Variants in DCUN1D1 observed in about 807,000 individuals in gnomAD.
DCUN1D1 encodes the protein DCN1-like protein 1.
DCUN1D1 carries 3 observed loss-of-function variants against 39.0 expected under a neutral mutation model. The observed-to-expected ratio is 0.08, with a 90% CI of 0.04 to 0.20. The LOEUF is 0.20. Ranked by LOEUF, DCUN1D1 falls within the 10% of genes least tolerant of loss-of-function variation. The pLI is 1.00. For synonymous variants in DCUN1D1, 82 were observed against 96.3 expected (o/e 0.85, Z 0.87); for missense variants, 158 against 302.4 (o/e 0.52, Z 3.54).
upstream of DCUN1D1, among the ~76,000 whole-genome samples, chr3:182,985,236 A>G (rs553819265): frequency 6.6e-6 from 1 of 152,208 alleles, no homozygotes; most frequent in Non-Finnish European, 1.5e-5. Context: ...CAAACTTACC[A>G]GAGTGGAGGC....
Position 182,961,270 on chromosome 3 carries a change from T to C in DCUN1D1, c.476A>G (p.Gln159Arg). The C allele has an allele frequency of 2.5e-6, 4 of 1,587,402 alleles. No homozygotes were observed. Among genetic ancestry groups the C allele is most frequent in the Non-Finnish European group, 3.4e-6 (4 of 1,163,200 alleles). The change falls in exon 4 of 7, where the codon CAG becomes CGG. Residue 159 changes from glutamine (Q) to arginine (R), a missense_variant. Physicochemically the swap from Gln to Arg is conservative, Grantham distance 43. This residue lies in a region of DCUN1D1 where 107 missense variants were observed against 174.7 expected (regional missense o/e 0.61). Transcript: ENST00000292782. ...KEPGRFKDFYQFTFNFAKNPG... is the reference protein window; with the variant it reads ...KEPGRFKDFYRFTFNFAKNPG... ...ATTCTTTGCAAAATTAAAAGTAAAC[T>C]GGTAAAAATCCTTAAATCGTCCTGG... is the stretch of plus-strand genomic sequence containing the variant.
intron 4 of DCUN1D1, among the ~76,000 whole-genome samples, chr3:182,960,550 C>A (rs1727330011): frequency 6.6e-6 from 1 of 152,154 alleles, no homozygotes; most frequent in Admixed American, 6.5e-5. Flanking sequence ...GAAGCATTTC[C>A]CAACCACTCC....
At position 182,941,730 on chromosome 3, in the gene DCUN1D1, T is replaced by C. The variant is rs1203473313; in HGVS notation, c.*3364A>G. 1.3e-5 allele frequency: 2 copies of C among 152,144 alleles called. No homozygotes were observed. The highest frequency in any genetic ancestry group is 2.9e-5 in the Non-Finnish European group (2 of 67,974). The allele number at this position is 152,144 out of a possible 1,614,324, so 9.4% of individuals were successfully genotyped here. The stretch of plus-strand genomic sequence containing the variant: ...ACACAATTTAACATTTAAAACTACA[T>C]AAATTAATTCTTGCTAAAAGTTGAT... On this transcript the variant is annotated 3_prime_UTR_variant, in exon 7 of 7. Transcript: ENST00000292782.
At chr3:182,956,394 A>G (rs961137676) in intron 4 of DCUN1D1, 1 of 214,054 alleles carries the variant, frequency 4.7e-6, no homozygotes, top group Non-Finnish European at 9.9e-6. Flanking sequence ...CTAACACAAA[A>G]TAACAACAAC....
rs1257532822 is a variant in DCUN1D1, at chr3:182,943,566, T to G, written c.*1528A>C. 1 of 152,320 alleles carries G rather than the reference T, an allele frequency of 6.6e-6. No homozygotes were observed. Among genetic ancestry groups the G allele is most frequent in the Non-Finnish European group, 1.5e-5 (1 of 68,016 alleles). The allele number at this position is 152,320 out of a possible 1,614,324, so 9.4% of individuals were successfully genotyped here. ...ATATTTGCATAAAATGTACTGCTAT[T>G]CTAAGTACATTCCTTTGTTAATATC... is the stretch of plus-strand genomic sequence containing the variant. On this transcript the variant is annotated 3_prime_UTR_variant, in exon 7 of 7. Transcript: ENST00000292782.
At chr3:182,962,850 G>A (rs1418487821) in intron 3 of DCUN1D1, among the ~76,000 whole-genome samples, 2 of 152,018 alleles carry the variant, frequency 1.3e-5, no homozygotes, top group Non-Finnish European at 2.9e-5. Context: ...GCGTGATCTC[G>A]GCTCACCACA....
At chr3:182,955,253 T>TC (rs1726977689) in intron 4 of DCUN1D1, 1 of 519,226 alleles carries the variant, frequency 1.9e-6, no homozygotes, top group Admixed American at 2.2e-5. Flanking sequence ...CTTGAGGGTC[T>TC]CCTCCTGTGT....
chr3:182,981,519 A>G (rs925302571), upstream of DCUN1D1, among the ~76,000 whole-genome samples: 1 of 152,182 alleles, frequency 6.6e-6, no homozygotes, highest in African/African-American at 2.4e-5. Flanking sequence ...GAAATGTAGT[A>G]TCCAGTTGGA....
At position 182,939,299 on chromosome 3, in the gene DCUN1D1, G is replaced by A. The variant is rs1056197730; in HGVS notation, c.*5795C>T. ...GTACAGCCACTTTGGAAAAAGTTCAGCAGTTTTTTTAAAAACGTTAGGTAT... is the reference window on the plus strand; with the variant it reads ...GTACAGCCACTTTGGAAAAAGTTCAACAGTTTTTTTAAAAACGTTAGGTAT... On this transcript the variant is annotated 3_prime_UTR_variant, in exon 7 of 7. Transcript: ENST00000292782. 1 of 152,204 alleles carries A rather than the reference G, an allele frequency of 6.6e-6. No individual in the cohort carries two copies. The highest frequency in any genetic ancestry group is 1.5e-5 in the Non-Finnish European group (1 of 68,046). 9.4% of individuals were successfully genotyped at this position (152,204 alleles called of 1,614,324 possible).
In DCUN1D1 at chr3:182,980,499, C is replaced by T; in HGVS notation, c.-10G>A. The T allele has an allele frequency of 8.1e-7, 1 of 1,240,138 alleles. No homozygotes were observed. Among genetic ancestry groups the T allele is most frequent in the Non-Finnish European group, 1.0e-6 (1 of 971,816 alleles). 76.8% of individuals were successfully genotyped at this position (1,240,138 alleles called of 1,614,324 possible). A position where few individuals can be genotyped will look rare whatever the true frequency, so the allele number is the denominator to read the frequency against. ...CGCAGTGCCTCACCATGTTGGTGTC[C>T]TCCAGGCCTCTCCCCTCCTCCTCCG... On this transcript the variant is annotated 5_prime_UTR_variant, in exon 1 of 7. Coordinates refer to ENST00000292782, the MANE Select transcript of DCUN1D1 (RefSeq NM_020640.4).
chr3:182,962,887 T>C (rs1727472743), intron 3 of DCUN1D1, among the ~76,000 whole-genome samples: 2 of 152,162 alleles, frequency 1.3e-5, no homozygotes, highest in South Asian at 4.1e-4. Context: ...TTCAAGCGAT[T>C]CTCCTGCCTC....
At position 182,943,238 on chromosome 3, in the gene DCUN1D1, T is replaced by C. The variant is rs922581897; in HGVS notation, c.*1856A>G. The C allele has an allele frequency of 4.1e-5, 6 of 145,612 alleles. No individual in the cohort carries two copies. Among genetic ancestry groups the C allele is most frequent in the Non-Finnish European group, 7.5e-5 (5 of 66,504 alleles). 9.0% of individuals were successfully genotyped at this position (145,612 alleles called of 1,614,324 possible). A position where few individuals can be genotyped will look rare whatever the true frequency, so the allele number is the denominator to read the frequency against. On this transcript the variant is annotated 3_prime_UTR_variant, in exon 7 of 7. Coordinates refer to ENST00000292782, the MANE Select transcript of DCUN1D1 (RefSeq NM_020640.4). ...TCAAGACAGGAAACAAAACAGTACATATATATAGATATATAGATATATATA... is the reference window on the plus strand; with the variant it reads ...TCAAGACAGGAAACAAAACAGTACACATATATAGATATATAGATATATATA...
At chr3:182,961,060 T>A (rs889799297) in intron 4 of DCUN1D1, among the ~76,000 whole-genome samples, 166 bp downstream of exon 4, 51 of 152,336 alleles carry the variant, frequency 3.3e-4, no homozygotes, top group African/African-American at 1.2e-3. Flanking sequence ...TTACTCAATG[T>A]GCATGGTATT....
intron 4 of DCUN1D1, among the ~76,000 whole-genome samples, chr3:182,954,077 T>C (rs151181798): frequency 3.9e-4 from 59 of 152,320 alleles, no homozygotes; most frequent in African/African-American, 1.4e-3. Context: ...TTTTAATCAA[T>C]CTCAACAAAT....
Position 182,980,514 on chromosome 3 carries a change from C to A in DCUN1D1, c.-25G>T. Reference sequence around the variant, plus strand: ...TGTTGGTGTCCTCCAGGCCTCTCCCCTCCTCCTCCGGCTCCGCAGCGAATG... The same window carrying A: ...TGTTGGTGTCCTCCAGGCCTCTCCCATCCTCCTCCGGCTCCGCAGCGAATG... On this transcript the variant is annotated 5_prime_UTR_variant, in exon 1 of 7. In the 5' UTR this introduces an upstream ATG that the reference lacks. Coordinates refer to ENST00000292782, the MANE Select transcript of DCUN1D1 (RefSeq NM_020640.4). 1 of 1,239,178 alleles carries A rather than the reference C, an allele frequency of 8.1e-7. No individual in the cohort carries two copies. Among genetic ancestry groups the A allele is most frequent in the Non-Finnish European group, 1.0e-6 (1 of 971,768 alleles). The allele number at this position is 1,239,178 out of a possible 1,614,324, so 76.8% of individuals were successfully genotyped here. A position where few individuals can be genotyped will look rare whatever the true frequency, so the allele number is the denominator to read the frequency against.
intron 1 of DCUN1D1, among the ~76,000 whole-genome samples, chr3:182,969,066 T>C (rs80293646): frequency 2.0e-5 from 3 of 152,182 alleles, no homozygotes; most frequent in Non-Finnish European, 4.4e-5. Flanking sequence ...CCAAGTGATA[T>C]TGACAATCCC....
chr3:182,984,438 T>A (rs1728661426), upstream of DCUN1D1, among the ~76,000 whole-genome samples: 1 of 152,162 alleles, frequency 6.6e-6, no homozygotes, highest in Non-Finnish European at 1.5e-5. Context: ...ACTTTTTTTG[T>A]CATGTTTCAA....
intron 4 of DCUN1D1, among the ~76,000 whole-genome samples, chr3:182,951,473 G>A (rs372328756): frequency 7.9e-5 from 12 of 151,298 alleles, no homozygotes; most frequent in African/African-American, 2.2e-4. Context: ...AAAACCAGCC[G>A]AGCATGGTTG....
intron 6 of DCUN1D1, 67 bp from the exon 7 acceptor site, chr3:182,945,240 A>AGAAT: frequency 8.1e-7 from 1 of 1,229,680 alleles, no homozygotes; most frequent in Non-Finnish European, 1.1e-6. Flanking sequence ...CTAACATTTT[A>AGAAT]GTAGAATCCT....
Sources: allele counts gnomAD v4.1 joint callset (sites outside exome capture counted in the v4.1 genomes callset), GRCh38; gene constraint gnomAD v4.1.1; regional missense constraint gnomAD v4.1.1; transcripts MANE v1.5; gene names NCBI Gene and HGNC (gene_info 2026-07-23, HGNC 2026-07-21).